The following RPS6KA5 variants were observed in gnomAD, a reference collection of about 807,000 sequenced individuals.
The protein encoded by RPS6KA5 is ribosomal protein S6 kinase A5.
A neutral mutation model predicts 85.5 loss-of-function variants in RPS6KA5; 27 were observed. The ratio of observed to expected loss-of-function variants is 0.32; its 90% CI spans 0.23 to 0.44. The LOEUF (loss-of-function observed/expected upper bound fraction) is 0.44, where lower values mean the gene tolerates loss of function less well. RPS6KA5 is among the 20% of genes least tolerant of loss of function. The pLI is 1.00. For missense variants in RPS6KA5, 811 were observed against 980.9 expected, an observed-to-expected ratio of 0.83 and a Z score of 2.31; for synonymous variants, 334 against 348.2, an observed-to-expected ratio of 0.96 and a Z score of 0.46.
At chr14:90,885,767 A>AAAAAAAAG (rs1566690698) in intron 14 of RPS6KA5, among the ~76,000 whole-genome samples, 8 of 140,008 alleles carry the variant, frequency 5.7e-5, no homozygotes, top group African/African-American at 2.2e-4. Context: ...AAAAAAAAAA[A>AAAAAAAAG]AAAAAAGAAA....
chr14:90,999,764 T>C (rs918998033), intron 2 of RPS6KA5, among the ~76,000 whole-genome samples: 10 of 152,198 alleles, frequency 6.6e-5, no homozygotes, highest in Non-Finnish European at 1.2e-4. Flanking sequence ...ACACCAAACA[T>C]GGGGCTCTTC....
intron 12 of RPS6KA5, 76 bp from the exon 13 acceptor site, chr14:90,894,659 C>A: frequency 6.8e-7 from 1 of 1,472,572 alleles, no homozygotes; most frequent in Non-Finnish European, 9.2e-7. Flanking sequence ...CATTTATTGA[C>A]TATCTACCAC....
At chr14:90,968,305 T>TCC (rs1178885109) in intron 3 of RPS6KA5, among the ~76,000 whole-genome samples, 1 of 152,020 alleles carries the variant, frequency 6.6e-6, no homozygotes, top group Middle Eastern at 3.2e-3. Flanking sequence ...CCTCCCTCCC[T>TCC]CCCTCTTCCT....
chr14:90,888,995 G>C (rs553729832), intron 14 of RPS6KA5, among the ~76,000 whole-genome samples: 1 of 152,100 alleles, frequency 6.6e-6, no homozygotes, highest in African/African-American at 2.4e-5. Context: ...AGCTCATAAA[G>C]AGCAATTCAT....
chr14:90,928,850 C>A (rs2036821985), intron 5 of RPS6KA5, among the ~76,000 whole-genome samples: 1 of 151,734 alleles, frequency 6.6e-6, no homozygotes, highest in Non-Finnish European at 1.5e-5. Context: ...AAATCCATTT[C>A]ATGGTGCTAG....
At chr14:91,031,799 C>G (rs1451166740) in intron 1 of RPS6KA5, among the ~76,000 whole-genome samples, 1 of 151,944 alleles carries the variant, frequency 6.6e-6, no homozygotes, top group Non-Finnish European at 1.5e-5. Context: ...GTGGATTCAA[C>G]CAAAATTATA....
At chr14:90,991,175 T>C (rs1284972433) in intron 2 of RPS6KA5, among the ~76,000 whole-genome samples, 1 of 152,170 alleles carries the variant, frequency 6.6e-6, no homozygotes, top group African/African-American at 2.4e-5. Flanking sequence ...ATAGAAAAAC[T>C]GCACGAAAAT....
rs77462523 is a variant in RPS6KA5 at position 91,012,433 on chromosome 14, G to A, written c.104-11274C>T. The stretch of plus-strand genomic sequence containing the variant: ...ACTATATATGGTAATCCTATCTTCC[G>A]AACACTAGCTACTCTCATTTTTATA... On this transcript the variant is annotated intron_variant, in intron 1 of 16. Transcript: ENST00000614987. 3.7e-3 allele frequency among the ~76,000 whole-genome samples: 562 copies of A among 152,228 alleles called. 5 individuals carry two copies. Among genetic ancestry groups the A allele is most frequent in the African/African-American group, 0.012 (486 of 41,526 alleles).
chr14:90,982,754 G>A (rs1029662659), intron 2 of RPS6KA5, among the ~76,000 whole-genome samples: 7 of 151,670 alleles, frequency 4.6e-5, no homozygotes, highest in South Asian at 2.1e-4. Flanking sequence ...CGGAGCGGGC[G>A]GATCACCTGA....
chr14:90,967,409 T>G (rs1444718119), intron 3 of RPS6KA5, among the ~76,000 whole-genome samples: 1 of 148,546 alleles, frequency 6.7e-6, no homozygotes. Flanking sequence ...AAATAATAAC[T>G]AATAGCTCCT....
At chr14:90,901,186 C>A (rs963835083) in intron 9 of RPS6KA5, among the ~76,000 whole-genome samples, 8 of 151,968 alleles carry the variant, frequency 5.3e-5, no homozygotes, top group African/African-American at 1.2e-4. Context: ...CTCACTGCAA[C>A]TTCTGCCTCC....
intron 4 of RPS6KA5, 69 bp downstream of exon 4, chr14:90,947,366 T>C (rs1372347609): frequency 3.7e-6 from 3 of 812,402 alleles, no homozygotes; most frequent in Non-Finnish European, 6.3e-6. Context: ...AAACATTAGC[T>C]CTTCCAGCTC....
chr14:90,939,158 G>C lies in RPS6KA5; in HGVS notation c.618+3920C>G, dbSNP rs537583298. Among the ~76,000 whole-genome samples, 5 of 152,182 alleles carry C rather than the reference G, an allele frequency of 3.3e-5. No individual in the cohort carries two copies. In the East Asian group the frequency reaches 9.7e-4, roughly 29 times the overall value. The stretch of plus-strand genomic sequence containing the variant: ...AGTTCAAAGTTCCACAAATCTCTAG[G>C]GCAGGGGCAAAATGCCACCAGTCTC... On this transcript the variant is annotated intron_variant, in intron 5 of 16. Coordinates refer to ENST00000614987, the MANE Select transcript of RPS6KA5 (RefSeq NM_004755.4).
At chr14:91,004,306 C>A (rs1277610879) in intron 1 of RPS6KA5, among the ~76,000 whole-genome samples, 1 of 152,064 alleles carries the variant, frequency 6.6e-6, no homozygotes, top group Admixed American at 6.5e-5. Flanking sequence ...CTCCTGACCT[C>A]GTGATCCACC....
At chr14:90,931,394 G>C (rs1036005466) in intron 5 of RPS6KA5, among the ~76,000 whole-genome samples, 2 of 152,030 alleles carry the variant, frequency 1.3e-5, no homozygotes, top group Admixed American at 6.6e-5. Context: ...CGGGGGAAAA[G>C]GTATAGAGTT....
intron 6 of RPS6KA5, among the ~76,000 whole-genome samples, chr14:90,920,707 G>C (rs1166748681): frequency 6.6e-6 from 1 of 151,060 alleles, no homozygotes; most frequent in Non-Finnish European, 1.5e-5. Context: ...CACATCCAAG[G>C]GTATGTTATT....
Position 90,867,598 on chromosome 14 carries a change from A to G in RPS6KA5, c.*4476T>C, listed in dbSNP as rs1158340075. 6.6e-6 allele frequency: 1 copy of G among 152,210 alleles called. No homozygotes were observed. Among genetic ancestry groups the G allele is most frequent in the Non-Finnish European group, 1.5e-5 (1 of 68,026 alleles). 9.4% of individuals were successfully genotyped at this position (152,210 alleles called of 1,614,324 possible). On this transcript the variant is annotated 3_prime_UTR_variant, in exon 17 of 17. Transcript: ENST00000614987. ...CCTCTCCCACAAGAAATACACCAGGAAACTTAAGCCTGATGAATAACTACT... is the reference window on the plus strand; with the variant it reads ...CCTCTCCCACAAGAAATACACCAGGGAACTTAAGCCTGATGAATAACTACT...
At chr14:90,927,164 C>T (rs531625584) in intron 5 of RPS6KA5, among the ~76,000 whole-genome samples, 25 of 151,948 alleles carry the variant, frequency 1.6e-4, no homozygotes, top group South Asian at 6.2e-4. Flanking sequence ...TACAGAAATG[C>T]CTTGTGTATA....
intron 4 of RPS6KA5, among the ~76,000 whole-genome samples, chr14:90,944,008 G>A (rs892490221): frequency 1.3e-5 from 2 of 152,092 alleles, no homozygotes; most frequent in Admixed American, 1.3e-4. Context: ...GTGAGCCACT[G>A]CACTAGGCTC....
Sources: gnomAD v4.1 joint callset for allele counts (sites outside exome capture counted in the v4.1 genomes callset) on GRCh38, gnomAD v4.1.1 for gene constraint, MANE v1.5 for transcripts, NCBI Gene and HGNC (gene_info 2026-07-23, HGNC 2026-07-21) for gene names.